MOXD1: variants seen among roughly 807,000 people sequenced by gnomAD.
MOXD1 encodes monooxygenase DBH like 1.
MOXD1 carries 62 observed loss-of-function variants against 66.6 expected under a neutral mutation model. The ratio of observed to expected loss-of-function variants is 0.93; its 90% confidence interval spans 0.76 to 1.15. MOXD1 has a LOEUF of 1.15. Ranked by LOEUF, MOXD1 falls within the 50% of genes most tolerant of loss-of-function variation. The pLI is 0.00. For missense variants in MOXD1, 847 were observed against 754.6 expected (o/e 1.12, Z -1.44); for synonymous variants, 303 against 281.9 (o/e 1.07, Z -0.75).
chr6:132,330,265 C>G (rs758382522), intron 4 of MOXD1, among the ~76,000 whole-genome samples: 6 of 152,190 alleles, frequency 3.9e-5, no homozygotes, highest in Non-Finnish European at 5.9e-5. Flanking sequence ...GTATTTATGG[C>G]TGCTCCCCAA....
chr6:132,397,816 C>T (rs1312058153), intron 1 of MOXD1, among the ~76,000 whole-genome samples: 2 of 152,100 alleles, frequency 1.3e-5, no homozygotes, highest in Non-Finnish European at 2.9e-5. Context: ...TCACAAAACC[C>T]CCAGTTCCCT....
chr6:132,331,850 G>A (rs548662155), intron 4 of MOXD1, among the ~76,000 whole-genome samples: 20 of 152,254 alleles, frequency 1.3e-4, no homozygotes, highest in African/African-American at 4.8e-4. Context: ...AAGGACCCTG[G>A]AAGTTGCTGC....
rs74542437 is a variant in MOXD1, at chr6:132,338,977, G to A, written c.664-10383C>T. On this transcript the variant is annotated intron_variant, in intron 4 of 11. Transcript: ENST00000367963. Reference sequence around the variant, plus strand: ...TTTTACACTCACAGACAACAAGTAAGTCTATACAAGTAATCCATTCACAAG... The same window carrying A: ...TTTTACACTCACAGACAACAAGTAAATCTATACAAGTAATCCATTCACAAG... Among the ~76,000 whole-genome samples the A allele has an allele frequency of 2.4e-3, 365 of 152,272 alleles. 1 individual carries two copies. The highest frequency in any genetic ancestry group is 7.9e-3 in the African/African-American group (330 of 41,544).
intron 1 of MOXD1, among the ~76,000 whole-genome samples, chr6:132,393,183 G>C (rs1040242398): frequency 2.1e-5 from 3 of 144,220 alleles, no homozygotes; most frequent in Non-Finnish European, 4.6e-5. Context: ...ACAGAGAAGG[G>C]GGTGGGAAAA....
In MOXD1 at chr6:132,374,659, G is replaced by T; in HGVS notation, c.383C>A (p.Thr128Lys). 6.2e-7 allele frequency: 1 copy of T among 1,613,846 alleles called. No homozygotes were observed. The highest frequency in any genetic ancestry group is 8.5e-7 in the Non-Finnish European group (1 of 1,179,954). Residue 128 changes from threonine to lysine, a missense_variant, in exon 2 of 12, where the codon ACA (threonine) becomes AAA (lysine). By Grantham distance (78) the Thr-to-Lys change is moderately conservative (BLOSUM62 -1). Coordinates refer to ENST00000367963, the MANE Select transcript of MOXD1 (RefSeq NM_015529.4). ...TIIEFTRELHTCDINDKSITD... is the reference protein window; with the variant it reads ...TIIEFTRELHKCDINDKSITD... ...TATACTCTTGTCATTTATGTCACATGTATGCAGCTCTCTGGTAAATTCAAT... is the reference window on the plus strand; with the variant it reads ...TATACTCTTGTCATTTATGTCACATTTATGCAGCTCTCTGGTAAATTCAAT...
chr6:132,338,851 C>T lies in MOXD1; in HGVS notation c.664-10257G>A, dbSNP rs75540285. On this transcript the variant is annotated intron_variant, in intron 4 of 11. Transcript: ENST00000367963. ...ATAAGATTATTTAAGCATTCAATGG[C>T]TGGTCCATGTGAAGCAACAAATACC... Among the ~76,000 whole-genome samples the T allele has an allele frequency of 2.2e-3, 329 of 152,280 alleles. 2 individuals carry two copies. Among genetic ancestry groups the T allele is most frequent in the African/African-American group, 7.7e-3 (320 of 41,560 alleles).
chr6:132,383,753 T>A lies in MOXD1; in HGVS notation c.265-8976A>T, dbSNP rs1247184901. On this transcript the variant is annotated intron_variant, in intron 1 of 11. Coordinates refer to ENST00000367963, the MANE Select transcript of MOXD1 (RefSeq NM_015529.4). ...AAGATACTACTTTGCCTTCATCCTA[T>A]CCCATCACCTTAATTTTTAAAAAAT... is the stretch of plus-strand genomic sequence containing the variant. Among the ~76,000 whole-genome samples the A allele has an allele frequency of 3.9e-5, 6 of 152,336 alleles. No individual in the cohort carries two copies. The East Asian group carries it at 1.2e-3, about 29-fold the overall frequency.
At chr6:132,357,460 TA>T (rs1775930696) in intron 4 of MOXD1, among the ~76,000 whole-genome samples, 1 of 152,068 alleles carries the variant, frequency 6.6e-6, no homozygotes, top group South Asian at 2.1e-4. Context: ...GTCCAGTTCT[TA>T]AAGGAACTAA....
intron 4 of MOXD1, among the ~76,000 whole-genome samples, chr6:132,333,072 C>G (rs899821579): frequency 3.3e-5 from 5 of 152,078 alleles, no homozygotes; most frequent in Non-Finnish European, 7.4e-5. Flanking sequence ...CGCTGTGGCT[C>G]ACGCCTGTAA....
At chr6:132,382,281 G>A (rs920178496) in intron 1 of MOXD1, among the ~76,000 whole-genome samples, 2 of 151,832 alleles carry the variant, frequency 1.3e-5, no homozygotes, top group Admixed American at 6.6e-5. Context: ...AGAATTTAAG[G>A]AAAAAAGTAG....
At chr6:132,359,427 C>T (rs1981187) in intron 4 of MOXD1, among the ~76,000 whole-genome samples, 64,283 of 151,202 alleles carry the variant, frequency 0.43, 19,549 homozygotes, top group African/African-American at 0.84. Context: ...AATTAAGAGG[C>T]TGGTTTTATT....
In MOXD1 at chr6:132,390,260, T is replaced by C. The variant is rs887376295; in HGVS notation, c.264+10903A>G. ...CTGTATTCAAGGTCTACTGAGTTCT[T>C]TGATGCCTATGCCAGATCATCTTCT... On this transcript the variant is annotated intron_variant, in intron 1 of 11. Coordinates refer to ENST00000367963, the MANE Select transcript of MOXD1 (RefSeq NM_015529.4). Among the ~76,000 whole-genome samples, 3 of 151,554 alleles carry C rather than the reference T, an allele frequency of 2.0e-5. 1 individual carries two copies. The highest frequency in any genetic ancestry group is 4.4e-5 in the Non-Finnish European group (3 of 67,722).
At chr6:132,308,143 A>G (rs116894620) in intron 10 of MOXD1, among the ~76,000 whole-genome samples, 3,558 of 152,188 alleles carry the variant, frequency 0.023, 56 homozygotes, top group Middle Eastern at 0.075. Context: ...ATAAAGAGGA[A>G]AAGAGAGAAG....
rs377515267 is a variant in MOXD1 at position 132,306,061 on chromosome 6, T to G, written c.1509-8106A>C. Among the ~76,000 whole-genome samples the G allele has an allele frequency of 4.6e-5, 7 of 152,012 alleles. No individual in the cohort carries two copies. In the East Asian group the frequency reaches 5.8e-4, roughly 13 times the overall value. ...GCTTCAGAAGATGGGTAATAAAAAC[T>G]ATGCTGGGCTAAAGAAGCATGTTCT... On this transcript the variant is annotated intron_variant, in intron 10 of 11. Transcript: ENST00000367963.
intron 4 of MOXD1, 88 bp from the exon 5 acceptor site, chr6:132,328,682 TGTC>T: frequency 8.1e-7 from 1 of 1,240,072 alleles, no homozygotes; most frequent in Non-Finnish European, 1.1e-6. Flanking sequence ...CATAAATTAC[TGTC>T]AGTTTCTCAA....
At chr6:132,304,878 A>G (rs578054843) in intron 10 of MOXD1, among the ~76,000 whole-genome samples, 1 of 152,228 alleles carries the variant, frequency 6.6e-6, no homozygotes, top group Non-Finnish European at 1.5e-5. Flanking sequence ...GAGTAACAGG[A>G]GTTCTTACAC....
chr6:132,388,643 G>A (rs1350760880), intron 1 of MOXD1, among the ~76,000 whole-genome samples: 2 of 151,306 alleles, frequency 1.3e-5, no homozygotes, highest in Non-Finnish European at 3.0e-5. Context: ...GAAAGGGAAG[G>A]GAAGGGATAT....
chr6:132,297,996 G>T (rs1437152618), intron 10 of MOXD1, 41 bp from the exon 11 acceptor site: 6 of 1,523,390 alleles, frequency 3.9e-6, no homozygotes, highest in Non-Finnish European at 5.3e-6. Context: ...CAGAACAAAT[G>T]CATTACATGT....
chr6:132,387,702 C>T (rs1357528654), intron 1 of MOXD1, among the ~76,000 whole-genome samples: 3 of 136,872 alleles, frequency 2.2e-5, no homozygotes, highest in African/African-American at 8.3e-5. Context: ...TGTAGTGAGC[C>T]AAGATCGCGC....
Sources: allele counts gnomAD v4.1 joint callset (sites outside exome capture counted in the v4.1 genomes callset), GRCh38; gene constraint gnomAD v4.1.1; transcripts MANE v1.5; gene names NCBI Gene and HGNC (gene_info 2026-07-23, HGNC 2026-07-21).